DCT: variants seen among roughly 807,000 people sequenced by gnomAD.
DCT encodes L-dopachrome tautomerase.
In DCT, 47 loss-of-function variants were observed where a neutral mutation model predicts 53.0. The observed-to-expected ratio is 0.89, with a 90% CI of 0.70 to 1.13. The LOEUF is 1.13. Among genes scored for constraint, DCT ranks in the 50% most tolerant of loss-of-function variants. The pLI, the probability that DCT is intolerant of heterozygous loss-of-function variation, is 0.00. For synonymous variants in DCT, 244 were observed against 237.0 expected, an observed-to-expected ratio of 1.03 and a Z score of -0.27; for missense variants, 669 against 637.4, an observed-to-expected ratio of 1.05 and a Z score of -0.53.
chr13:94,476,727 G>A (rs1221326999), intron 1 of DCT, among the ~76,000 whole-genome samples: 1 of 152,126 alleles, frequency 6.6e-6, no homozygotes, highest in Non-Finnish European at 1.5e-5. Flanking sequence ...CTCCCAAAGT[G>A]CTTGGCTCCC....
At chr13:94,512,908 T>A in the DCT span, among the ~76,000 whole-genome samples, 1 of 152,064 alleles carries the variant, frequency 6.6e-6, no homozygotes, top group African/African-American at 2.4e-5. Context: ...GGAGCCTTCA[T>A]GCAGGTAACA....
At chr13:94,531,145 A>G in the DCT span, among the ~76,000 whole-genome samples, 2 of 152,368 alleles carry the variant, frequency 1.3e-5, no homozygotes, top group East Asian at 3.9e-4. Flanking sequence ...AAAAGAGGAC[A>G]CAAACAAATG....
the DCT span, among the ~76,000 whole-genome samples, chr13:94,543,773 G>A: frequency 1.3e-5 from 2 of 152,104 alleles, no homozygotes; most frequent in African/African-American, 4.8e-5. Context: ...GGTGGCTCAC[G>A]CCTGTAATCC....
chr13:94,439,820 G>A lies in DCT; in HGVS notation c.*78C>T. 1 of 1,059,326 alleles carries A rather than the reference G, an allele frequency of 9.4e-7. No individual in the cohort carries two copies. The highest frequency in any genetic ancestry group is 1.4e-6 in the Non-Finnish European group (1 of 722,622). The allele number at this position is 1,059,326 out of a possible 1,614,324, so 65.6% of individuals were successfully genotyped here. On this transcript the variant is annotated 3_prime_UTR_variant, in exon 8 of 8. Coordinates refer to ENST00000377028, the MANE Select transcript of DCT (RefSeq NM_001922.5). ...AAGATCTTCAACTCAAGAAGGAACA[G>A]TGAGGATTAGTTCCTTTATTGTCAG... is the stretch of plus-strand genomic sequence containing the variant.
the DCT span, among the ~76,000 whole-genome samples, chr13:94,501,979 C>T: frequency 6.6e-6 from 1 of 150,930 alleles, no homozygotes; most frequent in Non-Finnish European, 1.5e-5. Flanking sequence ...TAGCCTCAGC[C>T]CCTACTTCTG....
At chr13:94,471,250 A>T (rs1884627940) in intron 1 of DCT, among the ~76,000 whole-genome samples, 1 of 152,174 alleles carries the variant, frequency 6.6e-6, no homozygotes, top group Non-Finnish European at 1.5e-5. Flanking sequence ...TTTCCTTAAA[A>T]TGTAAGTAGG....
At chr13:94,457,022 C>T (rs370845751) in intron 6 of DCT, among the ~76,000 whole-genome samples, 119 of 152,250 alleles carry the variant, frequency 7.8e-4, no homozygotes, top group African/African-American at 2.5e-3. Context: ...CCCAGCTACT[C>T]GGGAGGCTGA....
At chr13:94,540,020 G>A in the DCT span, among the ~76,000 whole-genome samples, 2 of 152,188 alleles carry the variant, frequency 1.3e-5, no homozygotes, top group Non-Finnish European at 2.9e-5. Context: ...CGCCTCTGCA[G>A]AGGGGAACTT....
At chr13:94,440,676 GTTTTTTTTT>G (rs761688508) in intron 7 of DCT, among the ~76,000 whole-genome samples, 4 of 98,054 alleles carry the variant, frequency 4.1e-5, no homozygotes, top group African/African-American at 1.2e-4. Context: ...TCATTTTTTG[GTTTTTTTTT>G]TTTTTTTTTT....
At chr13:94,519,094 C>T in the DCT span, among the ~76,000 whole-genome samples, 1 of 152,148 alleles carries the variant, frequency 6.6e-6, no homozygotes, top group Non-Finnish European at 1.5e-5. Context: ...CAAATGTCAT[C>T]TTCTCATGGA....
the DCT span, among the ~76,000 whole-genome samples, chr13:94,524,273 G>A: frequency 3.3e-5 from 5 of 152,228 alleles, no homozygotes; most frequent in East Asian, 3.9e-4. Flanking sequence ...TGGCACCTTC[G>A]GAATGGCTGA....
the DCT span, among the ~76,000 whole-genome samples, chr13:94,510,078 C>T: frequency 6.6e-6 from 1 of 152,142 alleles, no homozygotes; most frequent in Non-Finnish European, 1.5e-5. Context: ...CTAAGATATT[C>T]CTCCTGGCTG....
At chr13:94,500,095 A>C in the DCT span, among the ~76,000 whole-genome samples, 2 of 152,174 alleles carry the variant, frequency 1.3e-5, no homozygotes, top group Non-Finnish European at 2.9e-5. Flanking sequence ...CGGGCTATAC[A>C]CTAGATCTCC....
At chr13:94,504,768 A>T in the DCT span, among the ~76,000 whole-genome samples, 1 of 152,152 alleles carries the variant, frequency 6.6e-6, no homozygotes, top group African/African-American at 2.4e-5. Context: ...CCCTCTGAAA[A>T]ATATTGCTAA....
rs955302633 is a variant in DCT at position 94,437,759 on chromosome 13, T to A, written c.*2139A>T. The A allele has an allele frequency of 7.9e-5, 12 of 152,228 alleles. No homozygotes were observed. The highest frequency in any genetic ancestry group is 2.7e-4 in the African/African-American group (11 of 41,464). The allele number at this position is 152,228 out of a possible 1,614,324, so 9.4% of individuals were successfully genotyped here. A position where few individuals can be genotyped will look rare whatever the true frequency, so the allele number is the denominator to read the frequency against. The stretch of plus-strand genomic sequence containing the variant: ...TTGTTAAAATGCATTCATAATTGAT[T>A]TATTGTAAGGTCAGAAAATGCTAGA... On this transcript the variant is annotated 3_prime_UTR_variant, in exon 8 of 8. Coordinates refer to ENST00000377028, the MANE Select transcript of DCT (RefSeq NM_001922.5).
chr13:94,515,047 A>G, the DCT span, among the ~76,000 whole-genome samples: 1 of 152,208 alleles, frequency 6.6e-6, no homozygotes, highest in African/African-American at 2.4e-5. Flanking sequence ...AAGAGACTGC[A>G]GAAAAATCTC....
chr13:94,492,339 C>G, the DCT span, among the ~76,000 whole-genome samples: 1 of 152,196 alleles, frequency 6.6e-6, no homozygotes, highest in Non-Finnish European at 1.5e-5. Context: ...TTTGCTTCTT[C>G]TAAGTTGAAG....
At chr13:94,488,330 A>G in the DCT span, among the ~76,000 whole-genome samples, 1 of 152,156 alleles carries the variant, frequency 6.6e-6, no homozygotes, top group Admixed American at 6.6e-5. Flanking sequence ...CTGAAAAAAT[A>G]TATATATTTT....
chr13:94,509,027 C>A, the DCT span, among the ~76,000 whole-genome samples: 1 of 152,120 alleles, frequency 6.6e-6, no homozygotes, highest in Non-Finnish European at 1.5e-5. Context: ...CTGAATCAGA[C>A]CCTACTGAGA....
Sources: allele counts gnomAD v4.1 joint callset (sites outside exome capture counted in the v4.1 genomes callset), GRCh38; gene constraint gnomAD v4.1.1; transcripts MANE v1.5; gene names NCBI Gene and HGNC (gene_info 2026-07-23, HGNC 2026-07-21).